Variants in MCPH1 observed in about 807,000 individuals in gnomAD.
The protein encoded by MCPH1 is microcephalin 1, also known as microcephalin.
MCPH1 carries 104 observed loss-of-function variants against 84.5 expected under a neutral mutation model. That is an observed-to-expected ratio of 1.23 (90% CI 1.05 to 1.45). The LOEUF (loss-of-function observed/expected upper bound fraction) is 1.45. Among genes scored for constraint, MCPH1 ranks in the 40% most tolerant of loss-of-function variants. MCPH1 has a pLI of 0.00. For synonymous variants in MCPH1, 514 were observed against 366.8 expected (o/e 1.40, Z -4.58); for missense variants, 1,498 against 1,005.7 (o/e 1.49, Z -6.62).
rs530765561 is a variant in MCPH1, at chr8:6,512,038, T to C, written c.2214+12109T>C. 3.9e-5 allele frequency among the ~76,000 whole-genome samples: 6 copies of C among 152,188 alleles called. No individual in the cohort carries two copies. In the South Asian group the frequency reaches 1.0e-3, roughly 26 times the overall value. ...AAGTTTTGATCTCTTTGGAGTCAAGTTGGAACTGCTGTGAGGCCCAAACAC... is the reference window on the plus strand; with the variant it reads ...AAGTTTTGATCTCTTTGGAGTCAAGCTGGAACTGCTGTGAGGCCCAAACAC... On this transcript the variant is annotated intron_variant, in intron 12 of 13. Transcript: ENST00000344683.
At chr8:6,463,287 G>C (rs571531846) in intron 9 of MCPH1, among the ~76,000 whole-genome samples, 1 of 152,126 alleles carries the variant, frequency 6.6e-6, no homozygotes, top group Non-Finnish European at 1.5e-5. Context: ...CTCAGTTTTC[G>C]AGAGATGCTT....
At chr8:6,505,555 T>TA (rs1240181384) in intron 12 of MCPH1, among the ~76,000 whole-genome samples, 1 of 102,006 alleles carries the variant, frequency 9.8e-6, no homozygotes, top group Non-Finnish European at 1.9e-5. Context: ...TATATATACT[T>TA]TATATATGTA....
chr8:6,581,860 A>G (rs1160186999), intron 12 of MCPH1, among the ~76,000 whole-genome samples: 1 of 152,140 alleles, frequency 6.6e-6, no homozygotes, highest in Non-Finnish European at 1.5e-5. Context: ...TGGTTCATAG[A>G]TGGCGCCTTC....
At chr8:6,508,637 G>T in intron 12 of MCPH1, 1 of 572,564 alleles carries the variant, frequency 1.7e-6, no homozygotes, top group East Asian at 2.9e-5. Flanking sequence ...CTAGTATCCA[G>T]CAAGCACAAA....
At chr8:6,477,781 A>C (rs1220670506) in intron 10 of MCPH1, 150 bp downstream of exon 10, 1 of 718,198 alleles carries the variant, frequency 1.4e-6, no homozygotes, top group African/African-American at 1.8e-5. Context: ...GATCACTGAA[A>C]ATTAAACATG....
intron 3 of MCPH1, among the ~76,000 whole-genome samples, chr8:6,417,782 T>C (rs975764606): frequency 1.3e-5 from 2 of 152,222 alleles, no homozygotes; most frequent in African/African-American, 4.8e-5. Flanking sequence ...TCTGATAATT[T>C]TGAGGTTGGT....
rs147389116 is a variant in MCPH1 at position 6,446,877 on chromosome 8, GC to G, written c.1825+1336del. On this transcript the variant is annotated intron_variant, in intron 8 of 13. Coordinates refer to ENST00000344683, the MANE Select transcript of MCPH1 (RefSeq NM_024596.5). ...CAGGTGTGTTATGTTCTAGAACACT[GC>G]CCCCCTGCGTCGACAGCCTCCGGGG... 3.1e-3 allele frequency: 3,022 copies of G among 985,170 alleles called. 67 individuals are homozygous for G. In the African/African-American group the frequency reaches 0.047, roughly 15 times the overall value. 61.0% of individuals were successfully genotyped at this position (985,170 alleles called of 1,614,324 possible).
chr8:6,538,585 A>G (rs1255230061), intron 12 of MCPH1, among the ~76,000 whole-genome samples: 1 of 152,040 alleles, frequency 6.6e-6, no homozygotes, highest in African/African-American at 2.4e-5. Context: ...GCGGCCTCAT[A>G]CCACGGCCGC....
At chr8:6,589,821 C>T (rs1828296343) in intron 12 of MCPH1, among the ~76,000 whole-genome samples, 1 of 152,096 alleles carries the variant, frequency 6.6e-6, no homozygotes, top group Non-Finnish European at 1.5e-5. Flanking sequence ...GCTTGTATAC[C>T]TGAATTGTCA....
intron 13 of MCPH1, among the ~76,000 whole-genome samples, chr8:6,633,737 A>G (rs1411887765): frequency 6.6e-6 from 1 of 152,132 alleles, no homozygotes; most frequent in Non-Finnish European, 1.5e-5. Flanking sequence ...GACGCACCCA[A>G]CGCAGATTCC....
rs1224358996 is a variant in MCPH1, at chr8:6,643,293, C to T, written c.*244C>T. ...TATTTTTTATTTTTTGAGACGGAGT[C>T]CTGCCCTGTTTCCCAGGCTGGAGTG... On this transcript the variant is annotated 3_prime_UTR_variant, in exon 14 of 14. Transcript: ENST00000344683. 5.9e-6 allele frequency: 3 copies of T among 507,706 alleles called. No homozygotes were observed. The highest frequency in any genetic ancestry group is 7.1e-5 in the East Asian group (2 of 28,072). The allele number at this position is 507,706 out of a possible 1,614,324, so 31.5% of individuals were successfully genotyped here. A position where few individuals can be genotyped will look rare whatever the true frequency, so the allele number is the denominator to read the frequency against.
chr8:6,643,089 C>T lies in MCPH1; in HGVS notation c.*40C>T. On this transcript the variant is annotated 3_prime_UTR_variant, in exon 14 of 14. Transcript: ENST00000344683. ...GCCTGTGGTGACTGCACACAGCTCG[C>T]AAAACTGTCTTTGGATGTTCAAATG... The T allele has an allele frequency of 6.4e-7, 1 of 1,555,318 alleles. No individual in the cohort carries two copies. The highest frequency in any genetic ancestry group is 8.9e-7 in the Non-Finnish European group (1 of 1,126,962).
intron 1 of MCPH1, 65 bp downstream of exon 1, chr8:6,406,754 G>A: frequency 2.5e-6 from 4 of 1,575,112 alleles, no homozygotes; most frequent in East Asian, 4.5e-5. Context: ...CTCGTCGCGG[G>A]CGCACTCGGG....
chr8:6,510,064 T>C (rs995884422), intron 12 of MCPH1, among the ~76,000 whole-genome samples: 3 of 152,106 alleles, frequency 2.0e-5, no homozygotes, highest in African/African-American at 7.2e-5. Context: ...CATTGTAAGC[T>C]GAATTGCAAA....
intron 12 of MCPH1, among the ~76,000 whole-genome samples, chr8:6,543,805 T>G (rs1822042745): frequency 6.6e-6 from 1 of 152,206 alleles, no homozygotes; most frequent in Non-Finnish European, 1.5e-5. Context: ...TTTCATATTT[T>G]CATATTTATT....
chr8:6,578,240 G>A (rs540371647), intron 12 of MCPH1, among the ~76,000 whole-genome samples: 54 of 152,304 alleles, frequency 3.5e-4, no homozygotes, highest in African/African-American at 1.3e-3. Flanking sequence ...TCCCAAACTG[G>A]TATTTCTAGT....
chr8:6,427,380 CG>C (rs1801210673), intron 3 of MCPH1, among the ~76,000 whole-genome samples: 2 of 152,010 alleles, frequency 1.3e-5, no homozygotes, highest in South Asian at 4.1e-4. Context: ...GATACTATAA[CG>C]TTTTTTTAAA....
chr8:6,428,776 C>G (rs1301003252), intron 3 of MCPH1, among the ~76,000 whole-genome samples: 1 of 152,026 alleles, frequency 6.6e-6, no homozygotes. Context: ...CACAGAAGAA[C>G]TAAATATTAC....
At chr8:6,422,809 C>G (rs542295716) in intron 3 of MCPH1, among the ~76,000 whole-genome samples, 1 of 152,176 alleles carries the variant, frequency 6.6e-6, no homozygotes, top group South Asian at 2.1e-4. Flanking sequence ...CTGCCTCAGC[C>G]TCCCGAGTAG....
Sources: allele counts gnomAD v4.1 joint callset (sites outside exome capture counted in the v4.1 genomes callset), GRCh38; gene constraint gnomAD v4.1.1; transcripts MANE v1.5; gene names NCBI Gene and HGNC (gene_info 2026-07-23, HGNC 2026-07-21).